The following MMS19 variants were observed in gnomAD, a reference collection of about 807,000 sequenced individuals.
MMS19 encodes MMS19 nucleotide excision repair protein homolog.
In MMS19, 77 loss-of-function variants were observed where a neutral mutation model predicts 129.8. The observed-to-expected ratio is 0.59, with a 90% confidence interval of 0.49 to 0.72. MMS19 has a LOEUF of 0.72. Among genes scored for constraint, MMS19 ranks in the 30% least tolerant of loss-of-function variants. The probability of loss-of-function intolerance (pLI) is 0.00; values close to 1 mark genes in which losing one functional copy is unlikely to be tolerated. For missense variants in MMS19, 1,168 were observed against 1,266.3 expected, an observed-to-expected ratio of 0.92 and a Z score of 1.18; for synonymous variants, 491 against 502.8, an observed-to-expected ratio of 0.98 and a Z score of 0.31.
chr10:97,465,804 C>A lies in MMS19; in HGVS notation c.1756+1G>T. The A allele has an allele frequency of 6.2e-7, 1 of 1,611,454 alleles. No individual in the cohort carries two copies. Among genetic ancestry groups the A allele is most frequent in the Non-Finnish European group, 8.5e-7 (1 of 1,179,346 alleles). On this transcript the variant is annotated splice_donor_variant, in intron 18 of 30. Coordinates refer to ENST00000438925, the MANE Select transcript of MMS19 (RefSeq NM_022362.5). LOFTEE classifies it high-confidence loss of function. ...CGTTGGTGGTTATTCCTAGTAGTTA[C>A]CTCTGTTCACTTGCCAGAGATGCTG...
At chr10:97,470,316 G>A (rs911386955) in intron 9 of MMS19, 113 bp from the exon 10 acceptor site, 3 of 752,172 alleles carry the variant, frequency 4.0e-6, no homozygotes, top group African/African-American at 3.5e-5. Flanking sequence ...TCAAGGAGCT[G>A]TACTCAAGTC....
At chr10:97,496,044 G>A (rs2039720745) in intron 1 of MMS19, among the ~76,000 whole-genome samples, 1 of 152,160 alleles carries the variant, frequency 6.6e-6, no homozygotes, top group Non-Finnish European at 1.5e-5. Context: ...TTCTCTCAAA[G>A]TGTTGGCATT....
intron 8 of MMS19, 48 bp from the exon 9 acceptor site, chr10:97,470,909 C>G (rs754943359): frequency 1.0e-5 from 16 of 1,531,706 alleles, no homozygotes; most frequent in Non-Finnish European, 1.4e-5. Context: ...TTCAGACCAC[C>G]TTGAACACAG....
rs987502664 is a variant in MMS19 at position 97,460,911 on chromosome 10, A to T, written c.2408T>A (p.Leu803His). Residue 803 changes from leucine to histidine, a missense_variant, in exon 24 of 31, where the codon CTC (leucine) becomes CAC (histidine). This residue lies in a region of MMS19 where 831 missense variants were observed against 910.8 expected (regional missense o/e 0.91). Transcript: ENST00000438925. ...PCRSQAFTLL[L>H]WVTKALVLRY... Reference sequence around the variant, plus strand: ...GACTCCACTCCAACTCCTTACCCAGAGAAGAAGAGTGAAGGCCTGACTACG... The same window carrying T: ...GACTCCACTCCAACTCCTTACCCAGTGAAGAAGAGTGAAGGCCTGACTACG... 1.3e-6 allele frequency: 2 copies of T among 1,577,698 alleles called. No homozygotes were observed. Among genetic ancestry groups the T allele is most frequent in the African/African-American group, 2.7e-5 (2 of 74,208 alleles).
At chr10:97,459,813 G>T in intron 26 of MMS19, 72 bp from the exon 27 acceptor site, 1 of 1,266,878 alleles carries the variant, frequency 7.9e-7, no homozygotes. Flanking sequence ...ATTCCAATCT[G>T]TGGTGAGGCT....
chr10:97,468,319 C>G lies in MMS19; in HGVS notation c.1151G>C (p.Arg384Pro). 1 of 1,612,392 alleles carries G rather than the reference C, an allele frequency of 6.2e-7. No individual in the cohort carries two copies. Among genetic ancestry groups the G allele is most frequent in the Admixed American group, 1.7e-5 (1 of 59,894 alleles). Residue 384 changes from arginine (R) to proline (P), a missense_variant, in exon 13 of 31, where the codon CGG becomes CCG. Arg to Pro is a moderately radical substitution (Grantham distance 103). Coordinates refer to ENST00000438925, the MANE Select transcript of MMS19 (RefSeq NM_022362.5). ...ATTGCTGGTGACAGAGTCACAGGCC[C>G]GGGCAGATGCACCTGCAGCTGCCTG... is the stretch of plus-strand genomic sequence containing the variant. ...LLQAAAGASA[R>P]ACDSVTSNVL... is the part of the protein sequence containing the mutation.
At chr10:97,486,860 G>A (rs1176793646) in intron 1 of MMS19, among the ~76,000 whole-genome samples, 1 of 26,616 alleles carries the variant, frequency 3.8e-5, no homozygotes, top group African/African-American at 1.0e-4. Flanking sequence ...AAATTAAAGT[G>A]CCATATATAT....
chr10:97,465,854 G>A lies in MMS19; in HGVS notation c.1707C>T (p.Val569=). The A allele has an allele frequency of 6.2e-7, 1 of 1,613,918 alleles. No homozygotes were observed. The change falls in exon 18 of 31, where the codon GTC becomes GTT. Residue 569 remains valine (V), a synonymous_variant. Coordinates refer to ENST00000438925, the MANE Select transcript of MMS19 (RefSeq NM_022362.5). ...GCAGCAGCAGAGGCAGTGTCTCCTT[G>A]ACGATGCTGGGATGTGTTGATACAG... The part of the protein sequence containing the change: ...LSAVSTHPSI[V]KETLPLLLQH...
chr10:97,465,774 C>G (rs779800009), intron 18 of MMS19, 31 bp downstream of exon 18: 2 of 1,598,530 alleles, frequency 1.3e-6, no homozygotes, highest in Non-Finnish European at 1.7e-6. Flanking sequence ...CTATTCAGCC[C>G]AGTCCGTTGG....
rs1050636241 is a variant in MMS19 at position 97,461,906 on chromosome 10, A to C, written c.2116-10T>G. 6.2e-7 allele frequency: 1 copy of C among 1,600,758 alleles called. No individual in the cohort carries two copies. Among genetic ancestry groups the C allele is most frequent in the Non-Finnish European group, 8.5e-7 (1 of 1,173,774 alleles). ...GCCCTGAGGAGCCATCCTATAAAGGAAGGAGAGCCCGATCAAGCCTGCCAG... is the reference window on the plus strand; with the variant it reads ...GCCCTGAGGAGCCATCCTATAAAGGCAGGAGAGCCCGATCAAGCCTGCCAG... On this transcript the variant is annotated splice_polypyrimidine_tract_variant and intron_variant, in intron 21 of 30. Coordinates refer to ENST00000438925, the MANE Select transcript of MMS19 (RefSeq NM_022362.5).
chr10:97,491,609 G>C (rs2038903922), intron 1 of MMS19, among the ~76,000 whole-genome samples: 1 of 152,150 alleles, frequency 6.6e-6, no homozygotes, highest in Non-Finnish European at 1.5e-5. Context: ...AGGTTGCAGT[G>C]AGCCGAAATC....
At chr10:97,479,995 T>C (rs1417649770) in intron 3 of MMS19, among the ~76,000 whole-genome samples, 4 of 152,194 alleles carry the variant, frequency 2.6e-5, no homozygotes, top group Non-Finnish European at 5.9e-5. Flanking sequence ...CATTAGAAAC[T>C]GGGTCCACCC....
At chr10:97,477,960 G>T in intron 4 of MMS19, 31 bp from the exon 5 acceptor site, 2 of 1,479,610 alleles carry the variant, frequency 1.4e-6, no homozygotes, top group Non-Finnish European at 1.8e-6. Flanking sequence ...CGTGAATACC[G>T]AAGGAATTGC....
rs767443569 is a variant in MMS19 at position 97,458,890 on chromosome 10, T to A, written c.2975A>T (p.Tyr992Phe). The A allele has an allele frequency of 1.4e-5, 22 of 1,614,070 alleles. No individual in the cohort carries two copies. The highest frequency in any genetic ancestry group is 1.7e-5 in the Non-Finnish European group (20 of 1,179,888). The part of the protein sequence containing the change: ...TRLPTPVLLP[Y>F]KPQVIRALAK... ...TAAGGCCCGAATCACCTGTGGTTTG[T>A]ACGGCAGCAGCTGTGGAGTCAGAGG... The change falls in exon 30 of 31, where the codon TAC becomes TTC. Residue 992 changes from tyrosine to phenylalanine, a missense_variant. Physicochemically the swap from Tyr to Phe is conservative, Grantham distance 22 (BLOSUM62 3). This residue lies in a region of MMS19 where 831 missense variants were observed against 910.8 expected (regional missense o/e 0.91). Transcript: ENST00000438925.
At chr10:97,459,019 G>T in intron 29 of MMS19, 119 bp from the exon 30 acceptor site, 1 of 1,072,324 alleles carries the variant, frequency 9.3e-7, no homozygotes, top group Non-Finnish European at 1.4e-6. Flanking sequence ...GATTCCAAGG[G>T]ATGTTAAGTG....
At chr10:97,484,641 G>T (rs185953620) in intron 1 of MMS19, among the ~76,000 whole-genome samples, 3 of 152,126 alleles carry the variant, frequency 2.0e-5, no homozygotes, top group Non-Finnish European at 4.4e-5. Flanking sequence ...TGTTTTGGCC[G>T]GGTGTGGTGG....
At chr10:97,491,213 A>G (rs2038812702) in intron 1 of MMS19, among the ~76,000 whole-genome samples, 1 of 152,272 alleles carries the variant, frequency 6.6e-6, no homozygotes. Flanking sequence ...AACTGTTAAT[A>G]GCAAAGGATA....
At chr10:97,489,744 TA>T (rs1337726009) in intron 1 of MMS19, among the ~76,000 whole-genome samples, 1 of 152,240 alleles carries the variant, frequency 6.6e-6, no homozygotes, top group African/African-American at 2.4e-5. Flanking sequence ...ATGACCTTGA[TA>T]GTTTTAAAGA....
intron 25 of MMS19, among the ~76,000 whole-genome samples, 193 bp downstream of exon 25, chr10:97,460,502 G>A (rs1046673822): frequency 2.0e-5 from 3 of 152,186 alleles, no homozygotes; most frequent in African/African-American, 7.2e-5. Flanking sequence ...GCCTACGGAG[G>A]TTGAGGCTGG....
Sources: gnomAD v4.1 joint callset for allele counts (sites outside exome capture counted in the v4.1 genomes callset) on GRCh38, gnomAD v4.1.1 for gene constraint, gnomAD v4.1.1 regional missense constraint, MANE v1.5 for transcripts, NCBI Gene and HGNC (gene_info 2026-07-23, HGNC 2026-07-21) for gene names.